The following SLC11A2 variants were observed in gnomAD, a reference collection of about 807,000 sequenced individuals.
The protein encoded by SLC11A2 is natural resistance-associated macrophage protein 2.
SLC11A2 carries 38 observed loss-of-function variants against 68.0 expected under a neutral mutation model. The observed-to-expected ratio is 0.56, with a 90% CI of 0.43 to 0.73. The LOEUF (loss-of-function observed/expected upper bound fraction) is 0.73, where lower values mean the gene tolerates loss of function less well. Ranked by LOEUF, SLC11A2 falls within the 30% of genes least tolerant of loss-of-function variation. The pLI is 0.00. For synonymous variants in SLC11A2, 242 were observed against 250.6 expected (o/e 0.97, Z 0.32); for missense variants, 517 against 690.5 (o/e 0.75, Z 2.82).
upstream of SLC11A2, among the ~76,000 whole-genome samples, chr12:51,026,575 G>C (rs920952014): frequency 3.3e-5 from 5 of 151,742 alleles, no homozygotes; most frequent in African/African-American, 1.2e-4. Flanking sequence ...GGAGCTGCAT[G>C]CTGCCTAGTT....
chr12:51,015,304 T>C (rs7975117), intron 1 of SLC11A2, among the ~76,000 whole-genome samples: 138,156 of 151,790 alleles, frequency 0.91, 63,153 homozygotes, highest in East Asian at 0.98. Context: ...GGAGAAACCC[T>C]GCCTCTACTA....
chr12:51,028,252 A>C (rs1341404279), upstream of SLC11A2: 1 of 1,528,794 alleles, frequency 6.5e-7, no homozygotes, highest in African/African-American at 1.4e-5. Flanking sequence ...GACTTTCCCA[A>C]TGCCAGCTCC....
the SLC11A2 span, among the ~76,000 whole-genome samples, chr12:50,968,535 T>C: frequency 7.0e-3 from 1,066 of 151,958 alleles, 19 homozygotes; most frequent in African/African-American, 0.024. Context: ...TACAGGCGTG[T>C]GCCACCATGC....
intron 8 of SLC11A2, 84 bp downstream of exon 8, chr12:50,999,090 T>C (rs1249633879): frequency 2.6e-6 from 3 of 1,176,376 alleles, no homozygotes; most frequent in East Asian, 2.3e-5. Context: ...ACTAGCATTA[T>C]TACTGTCTTT....
intron 1 of SLC11A2, among the ~76,000 whole-genome samples, chr12:51,024,025 A>C (rs2269683): frequency 6.6e-6 from 1 of 152,098 alleles, no homozygotes; most frequent in Non-Finnish European, 1.5e-5. Flanking sequence ...GAACTCTCTT[A>C]TTCCAAAACT....
the SLC11A2 span, among the ~76,000 whole-genome samples, chr12:50,959,954 ATC>A: frequency 3.3e-5 from 5 of 152,142 alleles, no homozygotes; most frequent in African/African-American, 1.2e-4. Context: ...CTGGCCCAGT[ATC>A]TGTTATCTGG....
At chr12:50,962,410 T>TA in the SLC11A2 span, among the ~76,000 whole-genome samples, 569 of 145,450 alleles carry the variant, frequency 3.9e-3, 1 homozygote, top group Non-Finnish European at 6.8e-3. Flanking sequence ...AAACTCCATC[T>TA]AAAAAAAAGC....
At chr12:51,005,865 G>T in intron 3 of SLC11A2, 1 of 377,582 alleles carries the variant, frequency 2.6e-6, no homozygotes, top group Non-Finnish European at 5.0e-6. Flanking sequence ...CCAACTGAAC[G>T]GATCCTCTTC....
chr12:50,959,932 G>A, the SLC11A2 span, among the ~76,000 whole-genome samples: 5 of 152,218 alleles, frequency 3.3e-5, no homozygotes, highest in Non-Finnish European at 7.3e-5. Context: ...TTACAGGCAT[G>A]AGCCACTGCA....
At position 51,000,383 on chromosome 12, in the gene SLC11A2, C is replaced by A; in HGVS notation, c.466G>T (p.Ala156Ser). ...RVILWLMVEL[A>S]IIGSDMQEVI... ...TCTTGCATGTCTGAGCCGATGATAGCCAACTCCACCATCAGCCACAGGATG... is the reference window on the plus strand; with the variant it reads ...TCTTGCATGTCTGAGCCGATGATAGACAACTCCACCATCAGCCACAGGATG... The change falls in exon 6 of 16, where the codon GCT becomes TCT. Residue 156 changes from alanine (A) to serine (S), a missense_variant. Transcript: ENST00000262052. 1 of 1,614,048 alleles carries A rather than the reference C, an allele frequency of 6.2e-7. No individual in the cohort carries two copies. The highest frequency in any genetic ancestry group is 8.5e-7 in the Non-Finnish European group (1 of 1,179,926).
At chr12:51,020,207 C>T (rs534343511) in intron 1 of SLC11A2, among the ~76,000 whole-genome samples, 38 of 150,932 alleles carry the variant, frequency 2.5e-4, no homozygotes, top group African/African-American at 7.8e-4. Flanking sequence ...ACTACAGGCA[C>T]GTACCACCAC....
chr12:51,015,017 C>T (rs1276800141), intron 1 of SLC11A2, among the ~76,000 whole-genome samples: 1 of 149,772 alleles, frequency 6.7e-6, no homozygotes, highest in Non-Finnish European at 1.5e-5. Flanking sequence ...AAAAGTTAGC[C>T]AGCGTGGTGG....
chr12:51,003,562 AC>A (rs1221374938), intron 5 of SLC11A2, among the ~76,000 whole-genome samples: 12 of 150,210 alleles, frequency 8.0e-5, no homozygotes, highest in Non-Finnish European at 1.6e-4. Flanking sequence ...AAAAAAAAAA[AC>A]AAAACAAACA....
Position 50,996,874 on chromosome 12 carries a change from G to GC in SLC11A2, c.773dup (p.Ile259HisfsTer21). On this transcript the variant is annotated frameshift_variant, in exon 9 of 16. Coordinates refer to ENST00000262052, the MANE Select transcript of SLC11A2 (RefSeq NM_000617.3). LOFTEE classifies it high-confidence loss of function. ...GTGGCATGATGACAGCTCCCACGAT[G>GC]CCCACAGCCTGTTCAATCTGTGGAG... The GC allele has an allele frequency of 1.2e-6, 2 of 1,613,962 alleles. No individual in the cohort carries two copies. The highest frequency in any genetic ancestry group is 1.7e-6 in the Non-Finnish European group (2 of 1,179,916).
intron 14 of SLC11A2, 163 bp downstream of exon 14, chr12:50,991,436 A>G: frequency 1.5e-6 from 1 of 666,804 alleles, no homozygotes; most frequent in Non-Finnish European, 2.7e-6. Context: ...TTCCTTTACT[A>G]TATTCACAGT....
chr12:50,987,445 T>A lies in SLC11A2; in HGVS notation c.*880A>T. On this transcript the variant is annotated 3_prime_UTR_variant, in exon 16 of 16. Transcript: ENST00000262052. ...CCCTTAAAGTCTTTTCTCCCCACCC[T>A]CAACATTTCACGAGAACATCAGTTC... 1 of 1,287,158 alleles carries A rather than the reference T, an allele frequency of 7.8e-7. No individual in the cohort carries two copies. Among genetic ancestry groups the A allele is most frequent in the Non-Finnish European group, 1.0e-6 (1 of 988,656 alleles). The allele number at this position is 1,287,158 out of a possible 1,614,324, so 79.7% of individuals were successfully genotyped here. A position where few individuals can be genotyped will look rare whatever the true frequency, so the allele number is the denominator to read the frequency against.
rs762262385 is a variant in SLC11A2 at position 50,999,177 on chromosome 12, A to G, written c.672T>C (p.Tyr224=). ...LITIMALTFG[Y]EYVTVKPSQS... ...ATGAATATCCTGTACCACTTGCCTC[A>G]TATCCAAATGTGAGGGCCATAATAG... The change falls in exon 8 of 16, where the codon TAT becomes TAC. Residue 224 remains tyrosine, a synonymous_variant. Transcript: ENST00000262052. 6.2e-7 allele frequency: 1 copy of G among 1,611,596 alleles called. No individual in the cohort carries two copies. The highest frequency in any genetic ancestry group is 8.5e-7 in the Non-Finnish European group (1 of 1,177,774).
chr12:51,016,803 C>T (rs113416455), intron 1 of SLC11A2, among the ~76,000 whole-genome samples: 63 of 147,514 alleles, frequency 4.3e-4, no homozygotes, highest in African/African-American at 1.5e-3. Flanking sequence ...GCCGAGATCG[C>T]GCCACTGCAC....
the SLC11A2 span, among the ~76,000 whole-genome samples, chr12:50,968,230 A>G: frequency 6.6e-6 from 1 of 152,212 alleles, no homozygotes; most frequent in African/African-American, 2.4e-5. Context: ...TTATGTTTCT[A>G]ATACTGGGGA....
Sources: gnomAD v4.1 joint callset for allele counts (sites outside exome capture counted in the v4.1 genomes callset) on GRCh38, gnomAD v4.1.1 for gene constraint, MANE v1.5 for transcripts, NCBI Gene and HGNC (gene_info 2026-07-23, HGNC 2026-07-21) for gene names.